Variants in PLEKHG4B observed in about 807,000 individuals in gnomAD.
PLEKHG4B encodes pleckstrin homology domain-containing family G member 4B.
In PLEKHG4B, 111 loss-of-function variants were observed where a neutral mutation model predicts 121.3. The ratio of observed to expected loss-of-function variants is 0.92; its 90% CI spans 0.78 to 1.07. The LOEUF (loss-of-function observed/expected upper bound fraction) is 1.07, where lower values mean the gene tolerates loss of function less well. Among genes scored for constraint, PLEKHG4B ranks in the 50% least tolerant of loss-of-function variants. The pLI is 0.00. For synonymous variants in PLEKHG4B, 738 were observed against 725.0 expected, an observed-to-expected ratio of 1.02 and a Z score of -0.29; for missense variants, 1,831 against 1,757.8, an observed-to-expected ratio of 1.04 and a Z score of -0.74.
At chr5:138,266 C>A (rs189576721) in intron 2 of PLEKHG4B, among the ~76,000 whole-genome samples, 2 of 152,332 alleles carry the variant, frequency 1.3e-5, no homozygotes, top group African/African-American at 4.8e-5. Context: ...ACTTTACATT[C>A]TTTAAGTCAA....
chr5:155,751 G>A (rs1247444826), intron 9 of PLEKHG4B, among the ~76,000 whole-genome samples: 1 of 152,182 alleles, frequency 6.6e-6, no homozygotes, highest in African/African-American at 2.4e-5. Flanking sequence ...ACTGGCCACA[G>A]GGCTCTTGAC....
rs1312342481 is a variant in PLEKHG4B, at chr5:164,681, G to GGGGGCGGAGCTCACACTAATGCTCTGAC, written c.3476+1154_3476+1181dup. Among the ~76,000 whole-genome samples the GGGGGCGGAGCTCACACTAATGCTCTGAC allele has an allele frequency of 8.9e-4, 59 of 66,502 alleles. 6 individuals carry two copies. Among genetic ancestry groups the GGGGGCGGAGCTCACACTAATGCTCTGAC allele is most frequent in the Non-Finnish European group, 2.1e-3 (54 of 25,312 alleles). The allele number at this position is 66,502 out of a possible 152,430, so 43.6% of individuals were successfully genotyped here. On this transcript the variant is annotated intron_variant, in intron 13 of 19. Coordinates refer to ENST00000637938, the MANE Select transcript of PLEKHG4B (RefSeq NM_052909.5). ...CGGAGCTCACACTAATACTCTGACA[G>GGGGGCGGAGCTCACACTAATGCTCTGAC]GGGGCGGAGCTCACACTAATGCTCT...
At position 100,355 on chromosome 5, in the gene PLEKHG4B, A is replaced by G. The variant is rs144234122; in HGVS notation, c.45+8079A>G. ...GTAACTGGAAAAAGGTCTGTAGGGGAAAGACTGTTGTGAGGTTAATCCATA... is the reference window on the plus strand; with the variant it reads ...GTAACTGGAAAAAGGTCTGTAGGGGGAAGACTGTTGTGAGGTTAATCCATA... On this transcript the variant is annotated intron_variant, in intron 1 of 19. Coordinates refer to ENST00000637938, the MANE Select transcript of PLEKHG4B (RefSeq NM_052909.5). 9.8e-3 allele frequency among the ~76,000 whole-genome samples: 1,488 copies of G among 152,158 alleles called. 19 individuals carry two copies. The highest frequency in any genetic ancestry group is 0.016 in the Admixed American group (237 of 15,286).
At chr5:173,170 T>C (rs1392779890) in intron 17 of PLEKHG4B, 103 bp downstream of exon 17, 2 of 1,189,010 alleles carry the variant, frequency 1.7e-6, no homozygotes, top group Non-Finnish European at 2.4e-6. Context: ...TGGGAGGGAG[T>C]GAAGCGGGGA....
rs148716910 is a variant in PLEKHG4B, at chr5:151,606, G to A, written c.1992+7G>A. The A allele has an allele frequency of 5.2e-4, 801 of 1,549,074 alleles. 4 individuals carry two copies. The African/African-American group carries it at 9.2e-3, about 18-fold the overall frequency. ...CAAGGATGCAATAATTCAGGTAATGGTTTAGACTGTGGGATCCTGAGTGAT... is the reference window on the plus strand; with the variant it reads ...CAAGGATGCAATAATTCAGGTAATGATTTAGACTGTGGGATCCTGAGTGAT... On this transcript the variant is annotated splice_region_variant and intron_variant, in intron 7 of 19. Transcript: ENST00000637938.
chr5:179,656 G>A (rs1398594223), intron 18 of PLEKHG4B: 1 of 152,694 alleles, frequency 6.5e-6, no homozygotes, highest in Non-Finnish European at 1.5e-5. Flanking sequence ...GCCAAGCGTG[G>A]TGGTCCTTGC....
chr5:167,321 T>G (rs1736384414), intron 13 of PLEKHG4B, among the ~76,000 whole-genome samples: 1 of 152,226 alleles, frequency 6.6e-6, no homozygotes, highest in Non-Finnish European at 1.5e-5. Flanking sequence ...GGACAAGTTC[T>G]GCAGCTCTGC....
chr5:178,948 G>A (rs1410634648), intron 18 of PLEKHG4B, among the ~76,000 whole-genome samples: 1 of 152,182 alleles, frequency 6.6e-6, no homozygotes, highest in Non-Finnish European at 1.5e-5. Context: ...ATAAATAGCT[G>A]TTATATTGGT....
rs115556780 is a variant in PLEKHG4B, at chr5:171,064, G to A, written c.3751G>A (p.Val1251Met). Residue 1251 changes from valine (V) to methionine (M), a missense_variant, in exon 15 of 20, where the codon GTG becomes ATG. Val to Met is a conservative substitution (Grantham distance 21). Coordinates refer to ENST00000637938, the MANE Select transcript of PLEKHG4B (RefSeq NM_052909.5). Reference protein sequence around the residue: ...LRHEEQFGMYVIYSKNKPQSD... With the variant: ...LRHEEQFGMYMIYSKNKPQSD... ...CCAGGAAGAGCAGTTTGGGATGTAC[G>A]TGATCTACAGCAAAAACAAGCCGCA... 13 of 1,612,714 alleles carry A rather than the reference G, an allele frequency of 8.1e-6. No individual in the cohort carries two copies. The highest frequency in any genetic ancestry group is 6.7e-5 in the East Asian group (3 of 44,874).
chr5:187,595 C>T lies in PLEKHG4B; in HGVS notation c.*5272C>T, dbSNP rs906276303. ...GGCTGGTTTTCTGACAGGCAAAATGCTCCTTACATAAGGAAAGACCTTTCC... is the reference window on the plus strand; with the variant it reads ...GGCTGGTTTTCTGACAGGCAAAATGTTCCTTACATAAGGAAAGACCTTTCC... On this transcript the variant is annotated 3_prime_UTR_variant, in exon 20 of 20. Transcript: ENST00000637938. The T allele has an allele frequency of 3.3e-5, 5 of 152,284 alleles. No homozygotes were observed. Among genetic ancestry groups the T allele is most frequent in the Non-Finnish European group, 7.3e-5 (5 of 68,084 alleles). The allele number at this position is 152,284 out of a possible 1,614,324, so 9.4% of individuals were successfully genotyped here. A position where few individuals can be genotyped will look rare whatever the true frequency, so the allele number is the denominator to read the frequency against.
At chr5:99,170 G>A (rs1186617267) in intron 1 of PLEKHG4B, among the ~76,000 whole-genome samples, 11 of 100,508 alleles carry the variant, frequency 1.1e-4, no homozygotes, top group Admixed American at 8.4e-4. Flanking sequence ...AAAAAAAAGT[G>A]TATATATATA....
At chr5:126,044 C>G (rs1734602834) in intron 2 of PLEKHG4B, among the ~76,000 whole-genome samples, 1 of 152,172 alleles carries the variant, frequency 6.6e-6, no homozygotes, top group South Asian at 2.1e-4. Flanking sequence ...CTTTGTCATT[C>G]AAAAGCTGGA....
At chr5:152,667 T>G (rs573819422) in intron 7 of PLEKHG4B, among the ~76,000 whole-genome samples, 21 of 152,328 alleles carry the variant, frequency 1.4e-4, no homozygotes, top group Non-Finnish European at 2.5e-4. Flanking sequence ...GATCCTGTCC[T>G]TAGGGTCACT....
Position 157,623 on chromosome 5 carries a change from G to A in PLEKHG4B, c.2487+712G>A, listed in dbSNP as rs1326577615. ...TTAGCTCGGGGGGCACCAGCGAAAT[G>A]ATTGCTTAGCTCAGGGGTGCAGATG... On this transcript the variant is annotated intron_variant, in intron 11 of 19. Transcript: ENST00000637938. The surrounding 1 kb of genome is among the most constrained non-coding windows in gnomAD (Gnocchi z 4.6). 1.3e-5 allele frequency among the ~76,000 whole-genome samples: 2 copies of A among 152,166 alleles called. No individual in the cohort carries two copies. Among genetic ancestry groups the A allele is most frequent in the Non-Finnish European group, 1.5e-5 (1 of 68,022 alleles).
At chr5:134,007 A>G (rs986009336) in intron 2 of PLEKHG4B, among the ~76,000 whole-genome samples, 2 of 145,802 alleles carry the variant, frequency 1.4e-5, no homozygotes, top group African/African-American at 5.1e-5. Flanking sequence ...TATATATGAG[A>G]TGGACTACAT....
At chr5:162,639 G>A (rs1035562309) in intron 12 of PLEKHG4B, 83 bp from the exon 13 acceptor site, 10 of 1,064,246 alleles carry the variant, frequency 9.4e-6, no homozygotes, top group Middle Eastern at 3.3e-4. Context: ...TGAATAGGCT[G>A]ACCTGGGGAA....
In PLEKHG4B at chr5:143,248, C is replaced by T. The variant is rs756409830; in HGVS notation, c.1679C>T (p.Thr560Ile). Residue 560 changes from threonine to isoleucine, a missense_variant, in exon 4 of 20, where the codon ACC becomes ATC. Physicochemically the swap from Thr to Ile is moderately conservative, Grantham distance 89 (BLOSUM62 -1). Coordinates refer to ENST00000637938, the MANE Select transcript of PLEKHG4B (RefSeq NM_052909.5). Reference sequence around the variant, plus strand: ...GAGCTGCTGCAGTCCGGGGTCGTCACCCTCCCAGGTGAGAGCACATGCCAG... The same window carrying T: ...GAGCTGCTGCAGTCCGGGGTCGTCATCCTCCCAGGTGAGAGCACATGCCAG... ...SQELLQSGVV[T>I]LPGTRDRHGR... 3.7e-6 allele frequency: 6 copies of T among 1,610,122 alleles called. No individual in the cohort carries two copies. Among genetic ancestry groups the T allele is most frequent in the East Asian group, 4.5e-5 (2 of 44,880 alleles).
At chr5:167,934 G>A (rs757546032) in intron 13 of PLEKHG4B, among the ~76,000 whole-genome samples, 11 of 152,214 alleles carry the variant, frequency 7.2e-5, no homozygotes, top group Non-Finnish European at 1.5e-4. Context: ...CCTGATTTGG[G>A]AAGCCCAGTT....
rs935388459 is a variant in PLEKHG4B at position 173,982 on chromosome 5, G to T, written c.4286G>T (p.Arg1429Leu). The T allele has an allele frequency of 2.5e-6, 4 of 1,612,376 alleles. No individual in the cohort carries two copies. Among genetic ancestry groups the T allele is most frequent in the Non-Finnish European group, 3.4e-6 (4 of 1,179,520 alleles). Residue 1429 changes from arginine to leucine, a missense_variant, in exon 18 of 20, where the codon CGC (arginine) becomes CTC (leucine). Arg to Leu is a moderately radical substitution (Grantham distance 102). Transcript: ENST00000637938. The part of the protein sequence containing the change: ...DSGLRFEIWF[R>L]RRRKSQDTYI... ...GGCTTGAGGTTTGAGATTTGGTTTCGCAGGCGGCGGAAATCTCAGGACACC... is the reference window on the plus strand; with the variant it reads ...GGCTTGAGGTTTGAGATTTGGTTTCTCAGGCGGCGGAAATCTCAGGACACC...
Sources: allele counts gnomAD v4.1 joint callset (sites outside exome capture counted in the v4.1 genomes callset), GRCh38; gene constraint gnomAD v4.1.1; non-coding constraint Gnocchi (gnomAD v3.1); transcripts MANE v1.5; gene names NCBI Gene and HGNC (gene_info 2026-07-23, HGNC 2026-07-21).